The following CCDC85C variants were observed in gnomAD, a reference collection of about 807,000 sequenced individuals.
CCDC85C encodes the protein coiled-coil domain-containing protein 85C.
Under a neutral mutation model 38.3 loss-of-function variants are expected in CCDC85C, and 18 were observed. The ratio of observed to expected loss-of-function variants is 0.47; its 90% CI spans 0.33 to 0.70. The LOEUF (loss-of-function observed/expected upper bound fraction) is 0.70. Among genes scored for constraint, CCDC85C ranks in the 30% least tolerant of loss-of-function variants. The probability of loss-of-function intolerance (pLI) is 0.03; values close to 1 mark genes in which losing one functional copy is unlikely to be tolerated. For missense variants in CCDC85C, 566 were observed against 621.2 expected (o/e 0.91, Z 0.94); for synonymous variants, 264 against 293.8 (o/e 0.90, Z 1.04).
rs560385663 is a variant in CCDC85C at position 99,547,194 on chromosome 14, C to T, written c.794-11106G>A. Among the ~76,000 whole-genome samples the T allele has an allele frequency of 2.6e-5, 4 of 152,098 alleles. No homozygotes were observed. In the South Asian group the frequency reaches 8.3e-4, roughly 32 times the overall value. The stretch of plus-strand genomic sequence containing the variant: ...TGGGCAACATAGCAAACTCCCGTCT[C>T]TAAAAATCATAAAATAATAAAAATA... On this transcript the variant is annotated intron_variant, in intron 1 of 5. Transcript: ENST00000380243.
chr14:99,561,296 T>C (rs1898112276), intron 1 of CCDC85C, among the ~76,000 whole-genome samples: 1 of 152,156 alleles, frequency 6.6e-6, no homozygotes. Flanking sequence ...ACACAGGCCT[T>C]AGGGACACCA....
intron 1 of CCDC85C, among the ~76,000 whole-genome samples, chr14:99,543,671 G>A (rs112830164): frequency 1.5e-3 from 235 of 152,290 alleles, no homozygotes; most frequent in African/African-American, 5.5e-3. Flanking sequence ...AAGGCAGGGA[G>A]GTAGAGCCAC....
At chr14:99,541,895 G>C (rs1207234046) in intron 1 of CCDC85C, among the ~76,000 whole-genome samples, 1 of 152,212 alleles carries the variant, frequency 6.6e-6, no homozygotes, top group African/African-American at 2.4e-5. Flanking sequence ...GACACACAGA[G>C]CCTGACTCTC....
intron 1 of CCDC85C, among the ~76,000 whole-genome samples, chr14:99,593,483 G>A (rs2055110012): frequency 6.6e-6 from 1 of 152,244 alleles, no homozygotes; most frequent in South Asian, 2.1e-4. Context: ...GGGATGCCTG[G>A]CAGCTGATTC....
intron 1 of CCDC85C, chr14:99,573,091 G>T (rs554638983): frequency 4.7e-5 from 15 of 317,772 alleles, no homozygotes; most frequent in Admixed American, 3.8e-4. Context: ...TGTTTCCGGG[G>T]CGCTCAGACC....
intron 1 of CCDC85C, among the ~76,000 whole-genome samples, chr14:99,593,888 T>C (rs1053916415): frequency 1.3e-5 from 2 of 152,122 alleles, no homozygotes; most frequent in African/African-American, 2.4e-5. Context: ...TTCTAAGTGA[T>C]AGCTAATATA....
chr14:99,573,848 A>G (rs8022033), intron 1 of CCDC85C, among the ~76,000 whole-genome samples: 12,162 of 152,116 alleles, frequency 0.08, 801 homozygotes, highest in African/African-American at 0.18. Context: ...TAGAGCCCAT[A>G]GCCTCACTCT....
rs1221293456 is a variant in CCDC85C, at chr14:99,548,791, A to G, written c.794-12703T>C. Among the ~76,000 whole-genome samples the G allele has an allele frequency of 6.6e-6, 1 of 152,176 alleles. No homozygotes were observed. The highest frequency in any genetic ancestry group is 1.5e-5 in the Non-Finnish European group (1 of 68,036). On this transcript the variant is annotated intron_variant, in intron 1 of 5. Transcript: ENST00000380243. This position sits in a 1 kb window ranked among gnomAD's most constrained non-coding sequence, Gnocchi z 4.9. ...GGCAATCTAAAAAAAGACCACCTCT[A>G]AAAACTAAAAGCAAAAAAACCCAAA...
intron 1 of CCDC85C, among the ~76,000 whole-genome samples, chr14:99,541,663 A>G (rs1241016453): frequency 6.6e-6 from 1 of 152,204 alleles, no homozygotes; most frequent in African/African-American, 2.4e-5. Context: ...GCACTGCCCA[A>G]GAGGAGAATG....
At chr14:99,573,759 G>T (rs894746285) in intron 1 of CCDC85C, among the ~76,000 whole-genome samples, 19 of 152,298 alleles carry the variant, frequency 1.2e-4, no homozygotes, top group African/African-American at 4.6e-4. Context: ...GCTGCCTTTG[G>T]GTGGGACGGC....
chr14:99,542,128 T>C (rs1450128647), intron 1 of CCDC85C, among the ~76,000 whole-genome samples: 1 of 152,192 alleles, frequency 6.6e-6, no homozygotes, highest in African/African-American at 2.4e-5. Context: ...GATACCACCG[T>C]TCAGCGCAGC....
intron 5 of CCDC85C, among the ~76,000 whole-genome samples, chr14:99,515,593 G>A (rs548154502): frequency 1.3e-5 from 2 of 152,284 alleles, no homozygotes; most frequent in East Asian, 3.9e-4. Context: ...GGCCCCACTA[G>A]GTGATGCGGG....
At chr14:99,600,043 G>A (rs1042872902) in intron 1 of CCDC85C, among the ~76,000 whole-genome samples, 47 of 152,354 alleles carry the variant, frequency 3.1e-4, no homozygotes, top group South Asian at 6.2e-4. Flanking sequence ...CAGCAGGGCT[G>A]CAACTGCCAC....
chr14:99,556,992 C>G (rs1898023757), intron 1 of CCDC85C, among the ~76,000 whole-genome samples: 2 of 151,854 alleles, frequency 1.3e-5, no homozygotes, highest in African/African-American at 4.8e-5. Flanking sequence ...TATATCAGCA[C>G]CTTTTGTACA....
intron 1 of CCDC85C, among the ~76,000 whole-genome samples, chr14:99,590,046 C>T (rs2055069271): frequency 6.6e-6 from 1 of 152,236 alleles, no homozygotes; most frequent in South Asian, 2.1e-4. Flanking sequence ...CAGCACCACA[C>T]ACTTCACAGC....
Position 99,603,654 on chromosome 14 carries a change from C to A in CCDC85C, c.306G>T (p.Ala102=). 6.8e-7 allele frequency: 1 copy of A among 1,479,878 alleles called. No individual in the cohort carries two copies. Among genetic ancestry groups the A allele is most frequent in the Non-Finnish European group, 9.0e-7 (1 of 1,115,910 alleles). 91.7% of individuals were successfully genotyped at this position (1,479,878 alleles called of 1,614,324 possible). ...GGCGCCCGAAGCGCTGCCACTCGCG[C>A]GCCAGCTTGCGCCCCTTCTGCCGGT... ...DDDRQKGRKL[A]REWQRFGRHA... is the part of the protein sequence containing the mutation. Residue 102 remains alanine, a synonymous_variant, in exon 1 of 6, where the codon GCG becomes GCT. Transcript: ENST00000380243. This position sits in a 1 kb window ranked among gnomAD's most constrained non-coding sequence, Gnocchi z 7.5.
intron 2 of CCDC85C, among the ~76,000 whole-genome samples, chr14:99,532,352 C>T (rs908429426): frequency 1.3e-5 from 2 of 152,222 alleles, no homozygotes; most frequent in Non-Finnish European, 2.9e-5. Context: ...TGCCCTGCCA[C>T]GAGCTCTCTT....
chr14:99,546,986 T>C (rs1470558759), intron 1 of CCDC85C, among the ~76,000 whole-genome samples: 4 of 152,208 alleles, frequency 2.6e-5, no homozygotes, highest in South Asian at 2.1e-4. Flanking sequence ...CTGAGCAACA[T>C]AGCGAGACCC....
Position 99,515,133 on chromosome 14 carries a change from C to T in CCDC85C, c.*113G>A, listed in dbSNP as rs1172282585. The T allele has an allele frequency of 1.3e-6, 1 of 763,258 alleles. No homozygotes were observed. The highest frequency in any genetic ancestry group is 2.1e-6 in the Non-Finnish European group (1 of 468,838). The allele number at this position is 763,258 out of a possible 1,614,324, so 47.3% of individuals were successfully genotyped here. On this transcript the variant is annotated 3_prime_UTR_variant, in exon 6 of 6. Transcript: ENST00000380243. ...GGCGGGCAGCGTCCTATGTACAGTT[C>T]ACCACAGAGGAAGAAGACAGGGGCT...
Sources: allele counts gnomAD v4.1 joint callset (sites outside exome capture counted in the v4.1 genomes callset), GRCh38; gene constraint gnomAD v4.1.1; non-coding constraint Gnocchi (gnomAD v3.1); transcripts MANE v1.5; gene names NCBI Gene and HGNC (gene_info 2026-07-23, HGNC 2026-07-21).